The following DDX1 variants were observed in gnomAD, a reference collection of about 807,000 sequenced individuals.
DDX1 encodes the protein DEAD-box helicase 1.
Under a neutral mutation model 108.7 loss-of-function variants are expected in DDX1, and 28 were observed. The observed-to-expected ratio is 0.26, with a 90% CI of 0.19 to 0.35. The LOEUF (loss-of-function observed/expected upper bound fraction) is 0.35, where lower values mean the gene tolerates loss of function less well. Among genes scored for constraint, DDX1 ranks in the 10% least tolerant of loss-of-function variants. DDX1 has a pLI of 1.00. For missense variants in DDX1, 710 were observed against 884.5 expected (o/e 0.80, Z 2.50); for synonymous variants, 295 against 288.9 (o/e 1.02, Z -0.21).
At chr2:15,629,946 T>C (rs1327575970) in intron 24 of DDX1, 44 bp from the exon 25 acceptor site, 49 of 1,538,710 alleles carry the variant, frequency 3.2e-5, no homozygotes, top group Non-Finnish European at 4.2e-5. Context: ...TGCAACTCTT[T>C]CTAAATGAAA....
At chr2:15,598,122 TA>T (rs1665530841) in intron 5 of DDX1, among the ~76,000 whole-genome samples, 1 of 152,212 alleles carries the variant, frequency 6.6e-6, no homozygotes, top group South Asian at 2.1e-4. Flanking sequence ...ATTTTAATAA[TA>T]TTTTTTCCAC....
At chr2:15,621,031 C>T (rs1665996035) in intron 17 of DDX1, 34 bp from the exon 18 acceptor site, 1 of 1,415,264 alleles carries the variant, frequency 7.1e-7, no homozygotes, top group Non-Finnish European at 9.9e-7. Context: ...TTTAACCACT[C>T]CTCTATCCTG....
intron 1 of DDX1, among the ~76,000 whole-genome samples, chr2:15,593,280 C>G (rs1392150983): frequency 6.6e-6 from 1 of 152,014 alleles, no homozygotes; most frequent in Non-Finnish European, 1.5e-5. Context: ...TTTTCTTTTC[C>G]CAACATTCTC....
Position 15,630,977 on chromosome 2 carries a change from G to T in DDX1, c.*71G>T. On this transcript the variant is annotated 3_prime_UTR_variant, in exon 26 of 26. Coordinates refer to ENST00000233084, the MANE Select transcript of DDX1 (RefSeq NM_004939.3). ...CTTAAAACTCTAAAACAGTTGTACT[G>T]CTTCCAAGCAGCAGTATTTATAGTA... The T allele has an allele frequency of 6.8e-7, 1 of 1,460,080 alleles. No homozygotes were observed. The highest frequency in any genetic ancestry group is 9.5e-7 in the Non-Finnish European group (1 of 1,056,562). 90.4% of individuals were successfully genotyped at this position (1,460,080 alleles called of 1,614,324 possible). A position where few individuals can be genotyped will look rare whatever the true frequency, so the allele number is the denominator to read the frequency against.
rs577309697 is a variant in DDX1 at position 15,604,477 on chromosome 2, T to C, written c.593T>C (p.Ile198Thr). 6.2e-7 allele frequency: 1 copy of C among 1,611,116 alleles called. No homozygotes were observed. The highest frequency in any genetic ancestry group is 1.1e-5 in the South Asian group (1 of 91,022). The change falls in exon 10 of 26, where the codon ATA becomes ACA. Residue 198 changes from isoleucine (I) to threonine (T), a missense_variant. By Grantham distance (89) the Ile-to-Thr change is moderately conservative (BLOSUM62 -1). Around this residue, in one of 3 missense-constraint regions of DDX1, gnomAD observed 661 missense variants for 810.2 expected, o/e 0.82. Transcript: ENST00000233084. Reference protein sequence around the residue: ...MHDTIGCYLDIDKGHVKFSKN... With the variant: ...MHDTIGCYLDTDKGHVKFSKN... ...GATACCATTGGATGTTACCTGGATA[T>C]AGATAAGGGACATGTCAAGTTCTCC...
chr2:15,619,867 T>C (rs1665965023), intron 16 of DDX1, among the ~76,000 whole-genome samples: 1 of 152,248 alleles, frequency 6.6e-6, no homozygotes, highest in Admixed American at 6.5e-5. Context: ...TCTGTAGTTA[T>C]ATCCTTCTTT....
At chr2:15,606,085 T>C in intron 11 of DDX1, 59 bp downstream of exon 11, 1 of 1,558,856 alleles carries the variant, frequency 6.4e-7, no homozygotes, top group Non-Finnish European at 8.8e-7. Flanking sequence ...TACTCTTCAT[T>C]ATTTTGTATA....
At position 15,610,115 on chromosome 2, in the gene DDX1, G is replaced by A. The variant is rs145491550; in HGVS notation, c.956+2802G>A. The stretch of plus-strand genomic sequence containing the variant: ...GTGCTTGGCTAATTTTATTTTTTGT[G>A]GAGACATGGTCTTGCTATGTTGTGC... On this transcript the variant is annotated intron_variant, in intron 13 of 25. Coordinates refer to ENST00000233084, the MANE Select transcript of DDX1 (RefSeq NM_004939.3). 4.2e-3 allele frequency among the ~76,000 whole-genome samples: 640 copies of A among 152,034 alleles called. 6 individuals are homozygous for A. The highest frequency in any genetic ancestry group is 0.012 in the African/African-American group (482 of 41,466).
chr2:15,607,603 T>C (rs1665686030), intron 13 of DDX1, among the ~76,000 whole-genome samples: 1 of 152,150 alleles, frequency 6.6e-6, no homozygotes, highest in South Asian at 2.1e-4. Context: ...GTTTTTTTTC[T>C]GAGACCGGGA....
intron 25 of DDX1, 54 bp from the exon 26 acceptor site, chr2:15,630,722 C>G (rs1444120327): frequency 6.4e-7 from 1 of 1,570,652 alleles, no homozygotes; most frequent in African/African-American, 1.4e-5. Context: ...GTATTGCTGA[C>G]AAGTTATTTC....
intron 1 of DDX1, 52 bp from the exon 2 acceptor site, chr2:15,595,093 G>A: frequency 7.3e-7 from 1 of 1,377,936 alleles, no homozygotes; most frequent in East Asian, 2.3e-5. Flanking sequence ...TGAGAGCAAT[G>A]CAATTTATCA....
chr2:15,620,231 G>A lies in DDX1; in HGVS notation c.1230G>A (p.Leu410=). The change falls in exon 17 of 26, where the codon TTG becomes TTA. Residue 410 remains leucine (L), a synonymous_variant. Coordinates refer to ENST00000233084, the MANE Select transcript of DDX1 (RefSeq NM_004939.3). ...RLQVIVCSAT[L]HSFDVKKLSE... ...AGGTGATTGTTTGCTCTGCCACTTTGCATTCTTTCGATGTAAAGAAACTGT... is the reference window on the plus strand; with the variant it reads ...AGGTGATTGTTTGCTCTGCCACTTTACATTCTTTCGATGTAAAGAAACTGT... The A allele has an allele frequency of 3.1e-6, 5 of 1,613,714 alleles. No homozygotes were observed. The highest frequency in any genetic ancestry group is 4.2e-6 in the Non-Finnish European group (5 of 1,179,908).
At chr2:15,623,339 G>T in intron 18 of DDX1, 97 bp from the exon 19 acceptor site, 11 of 1,138,692 alleles carry the variant, frequency 9.7e-6, no homozygotes, top group South Asian at 8.1e-5. Context: ...TCTTTTTTAG[G>T]AAAATTAAGC....
intron 7 of DDX1, 27 bp from the exon 8 acceptor site, chr2:15,603,165 A>G (rs1416034815): frequency 2.1e-6 from 3 of 1,461,336 alleles, no homozygotes; most frequent in Non-Finnish European, 1.9e-6. Context: ...TGATTTATAT[A>G]AATCTCAATG....
In DDX1 at chr2:15,611,450, A is replaced by C. The variant is rs1332292712; in HGVS notation, c.957-1774A>C. Reference sequence around the variant, plus strand: ...CGGGCAGAGGGGCTCCTCACCTCCCAGTAGGGACGGCCGGGCAGAGGCTCC... The same window carrying C: ...CGGGCAGAGGGGCTCCTCACCTCCCCGTAGGGACGGCCGGGCAGAGGCTCC... On this transcript the variant is annotated intron_variant, in intron 13 of 25. Coordinates refer to ENST00000233084, the MANE Select transcript of DDX1 (RefSeq NM_004939.3). Among the ~76,000 whole-genome samples the C allele has an allele frequency of 6.9e-5, 10 of 144,108 alleles. 1 individual carries two copies. The highest frequency in any genetic ancestry group is 6.7e-5 in the Admixed American group (1 of 14,838). The allele number at this position is 144,108 out of a possible 152,430, so 94.5% of individuals were successfully genotyped here.
chr2:15,612,779 C>T (rs551092278), intron 13 of DDX1, among the ~76,000 whole-genome samples: 12 of 152,202 alleles, frequency 7.9e-5, no homozygotes, highest in Non-Finnish European at 1.5e-4. Flanking sequence ...CCGAGGCTGG[C>T]GGATCACTCG....
At position 15,591,901 on chromosome 2, in the gene DDX1, C is replaced by G. The variant is rs1296803908; in HGVS notation, c.-33C>G. ...GCCGTGTCAGTCGGGAGGGAGGGAG[C>G]GAGCAGGCGAAGCCGCGGAGGACGG... On this transcript the variant is annotated 5_prime_UTR_variant, in exon 1 of 26. Coordinates refer to ENST00000233084, the MANE Select transcript of DDX1 (RefSeq NM_004939.3). The G allele has an allele frequency of 2.0e-6, 3 of 1,464,648 alleles. No individual in the cohort carries two copies. The highest frequency in any genetic ancestry group is 2.7e-5 in the South Asian group (2 of 73,930). 90.7% of individuals were successfully genotyped at this position (1,464,648 alleles called of 1,614,324 possible). A position where few individuals can be genotyped will look rare whatever the true frequency, so the allele number is the denominator to read the frequency against.
chr2:15,620,170 A>G, intron 16 of DDX1, 38 bp from the exon 17 acceptor site: 1 of 1,537,248 alleles, frequency 6.5e-7, no homozygotes, highest in Non-Finnish European at 8.9e-7. Context: ...AATTATTATT[A>G]TAAAAGTTCA....
chr2:15,615,522 T>A (rs1422538585), intron 14 of DDX1, among the ~76,000 whole-genome samples: 1 of 144,276 alleles, frequency 6.9e-6, no homozygotes, highest in Non-Finnish European at 1.5e-5. Context: ...ATCTTCACAT[T>A]TTCAGACAAT....
Sources: gnomAD v4.1 joint callset for allele counts (sites outside exome capture counted in the v4.1 genomes callset) on GRCh38, gnomAD v4.1.1 for gene constraint, gnomAD v4.1.1 regional missense constraint, MANE v1.5 for transcripts, NCBI Gene and HGNC (gene_info 2026-07-23, HGNC 2026-07-21) for gene names.